CERS6: variants seen among roughly 807,000 people sequenced by gnomAD.
CERS6 encodes the protein ceramide synthase 6.
CERS6 carries 26 observed loss-of-function variants against 56.8 expected under a neutral mutation model. That is an observed-to-expected ratio of 0.46 (90% confidence interval 0.34 to 0.63). CERS6 has a LOEUF of 0.63. Among genes scored for constraint, CERS6 ranks in the 30% least tolerant of loss-of-function variants. The pLI, the probability that CERS6 is intolerant of heterozygous loss-of-function variation, is 0.01. For synonymous variants in CERS6, 164 were observed against 173.3 expected (o/e 0.95, Z 0.42); for missense variants, 415 against 467.5 (o/e 0.89, Z 1.04).
At chr2:168,556,478 C>T in intron 2 of CERS6, among the ~76,000 whole-genome samples, 1 of 152,140 alleles carries the variant, frequency 6.6e-6, no homozygotes, top group East Asian at 1.9e-4. Flanking sequence ...GTATTTGTAT[C>T]ATAGTCCCAA....
intron 1 of CERS6, among the ~76,000 whole-genome samples, chr2:168,478,166 A>C (rs1292060522): frequency 6.6e-6 from 1 of 151,900 alleles, no homozygotes; most frequent in African/African-American, 2.4e-5. Flanking sequence ...GTTTCCCCAG[A>C]GAACAGCTTT....
intron 8 of CERS6, among the ~76,000 whole-genome samples, chr2:168,761,004 G>A (rs910252045): frequency 4.6e-5 from 7 of 152,192 alleles, no homozygotes; most frequent in East Asian, 1.9e-4. Flanking sequence ...TGATCCGCCC[G>A]CCTCGGCCTC....
intron 8 of CERS6, among the ~76,000 whole-genome samples, chr2:168,756,685 A>G (rs1038942946): frequency 6.6e-6 from 1 of 152,202 alleles, no homozygotes; most frequent in African/African-American, 2.4e-5. Context: ...TGTGTCCTCC[A>G]TCATAATGTG....
intron 8 of CERS6, among the ~76,000 whole-genome samples, chr2:168,759,370 C>T (rs1684503912): frequency 6.6e-6 from 1 of 152,092 alleles, no homozygotes; most frequent in Non-Finnish European, 1.5e-5. Flanking sequence ...GCAGAACAAA[C>T]CCGCGTGAGT....
chr2:168,632,095 G>A (rs1339097898), intron 4 of CERS6, among the ~76,000 whole-genome samples: 1 of 151,408 alleles, frequency 6.6e-6, no homozygotes, highest in South Asian at 2.1e-4. Flanking sequence ...GGTTATTTCA[G>A]TTCTTACTGG....
chr2:168,618,711 C>G (rs1684381212), intron 3 of CERS6, among the ~76,000 whole-genome samples: 1 of 152,334 alleles, frequency 6.6e-6, no homozygotes, highest in South Asian at 2.1e-4. Context: ...CTGCAAAACA[C>G]TGCTGAAGTA....
intron 1 of CERS6, among the ~76,000 whole-genome samples, chr2:168,465,410 A>G (rs780166030): frequency 3.3e-5 from 5 of 152,148 alleles, no homozygotes; most frequent in African/African-American, 7.2e-5. Context: ...CACTAATCCT[A>G]TTCATGAGGG....
At position 168,677,745 on chromosome 2, in the gene CERS6, C is replaced by T. The variant is rs144619943; in HGVS notation, c.466-13289C>T. On this transcript the variant is annotated intron_variant, in intron 4 of 9. Transcript: ENST00000305747. ...CTCCCAACCTCAGGTGTTCTGCCCA[C>T]CTCGGCCTCCCAAAGTGCTGAGATT... Among the ~76,000 whole-genome samples the T allele has an allele frequency of 3.2e-3, 490 of 152,280 alleles. 3 individuals are homozygous for T. In the Middle Eastern group the frequency reaches 0.034, roughly 11 times the overall value.
At chr2:168,706,818 G>A (rs559031573) in intron 6 of CERS6, among the ~76,000 whole-genome samples, 1 of 152,278 alleles carries the variant, frequency 6.6e-6, no homozygotes, top group East Asian at 1.9e-4. Flanking sequence ...GTCCTTTGAT[G>A]TGACTCTAAG....
At chr2:168,571,846 T>A (rs1051230504) in intron 3 of CERS6, among the ~76,000 whole-genome samples, 4 of 152,210 alleles carry the variant, frequency 2.6e-5, no homozygotes, top group African/African-American at 7.2e-5. Flanking sequence ...TAATTATTTT[T>A]AAATTTACAA....
At chr2:168,647,363 T>A (rs577570746) in intron 4 of CERS6, among the ~76,000 whole-genome samples, 127 of 152,364 alleles carry the variant, frequency 8.3e-4, no homozygotes, top group African/African-American at 2.9e-3. Context: ...TTTTTGTCAT[T>A]GATTTTGTAT....
rs1348609777 is a variant in CERS6 at position 168,659,486 on chromosome 2, T to C, written c.465+28444T>C. Among the ~76,000 whole-genome samples, 5 of 152,212 alleles carry C rather than the reference T, an allele frequency of 3.3e-5. No individual in the cohort carries two copies. In the South Asian group the frequency reaches 8.3e-4, roughly 25 times the overall value. ...ATGCTAATACACATTGTTCATCAGATTACTTTTTTATTTTTAAATTTCTAC... is the reference window on the plus strand; with the variant it reads ...ATGCTAATACACATTGTTCATCAGACTACTTTTTTATTTTTAAATTTCTAC... On this transcript the variant is annotated intron_variant, in intron 4 of 9. Coordinates refer to ENST00000305747, the MANE Select transcript of CERS6 (RefSeq NM_203463.3).
chr2:168,540,148 C>T (rs1457385200), intron 1 of CERS6, among the ~76,000 whole-genome samples: 3 of 151,004 alleles, frequency 2.0e-5, no homozygotes, highest in South Asian at 2.1e-4. Context: ...GAATTTTTGG[C>T]TGACAGTTTT....
At chr2:168,758,810 A>G (rs562260256) in intron 8 of CERS6, among the ~76,000 whole-genome samples, 1 of 152,266 alleles carries the variant, frequency 6.6e-6, no homozygotes, top group Admixed American at 6.5e-5. Context: ...GTCTTTTTAC[A>G]CTGCGCTCTG....
chr2:168,641,846 A>G (rs1311010748), intron 4 of CERS6, among the ~76,000 whole-genome samples: 1 of 151,736 alleles, frequency 6.6e-6, no homozygotes, highest in African/African-American at 2.4e-5. Flanking sequence ...AATCTCCTAT[A>G]GCACTTGATA....
intron 4 of CERS6, among the ~76,000 whole-genome samples, chr2:168,631,475 A>C (rs1165115205): frequency 1.6e-5 from 2 of 124,474 alleles, no homozygotes; most frequent in Non-Finnish European, 3.2e-5. Flanking sequence ...ATAATATATA[A>C]TATATAATAT....
chr2:168,721,035 G>A (rs1687352176), intron 8 of CERS6, among the ~76,000 whole-genome samples: 1 of 152,272 alleles, frequency 6.6e-6, no homozygotes, highest in East Asian at 1.9e-4. Context: ...GAACATCATA[G>A]CGCAATGCAT....
intron 8 of CERS6, among the ~76,000 whole-genome samples, chr2:168,743,200 ATATGTGTGTGTG>A (rs979181891): frequency 1.7e-4 from 24 of 143,110 alleles, no homozygotes; most frequent in African/African-American, 5.7e-4. Flanking sequence ...GTGTATATAT[ATATGTGTGTGTG>A]TATGTGTGTG....
At chr2:168,609,902 C>A (rs1031175093) in intron 3 of CERS6, among the ~76,000 whole-genome samples, 2 of 150,662 alleles carry the variant, frequency 1.3e-5, no homozygotes, top group African/African-American at 4.9e-5. Flanking sequence ...GACACTAGGG[C>A]AGGTTGACCT....
Sources: allele counts gnomAD v4.1 joint callset (sites outside exome capture counted in the v4.1 genomes callset), GRCh38; gene constraint gnomAD v4.1.1; transcripts MANE v1.5; gene names NCBI Gene and HGNC (gene_info 2026-07-23, HGNC 2026-07-21).